STARD13: variants seen among roughly 807,000 people sequenced by gnomAD.
STARD13 encodes the protein StAR related lipid transfer domain containing 13.
A neutral mutation model predicts 106.4 loss-of-function variants in STARD13; 62 were observed. The observed-to-expected ratio is 0.58, with a 90% CI of 0.48 to 0.72. The LOEUF (loss-of-function observed/expected upper bound fraction) is 0.72. STARD13 is among the 30% of genes least tolerant of loss of function. The pLI, the probability that STARD13 is intolerant of heterozygous loss-of-function variation, is 0.00. For missense variants in STARD13, 1,387 were observed against 1,424.0 expected (o/e 0.97, Z 0.42); for synonymous variants, 565 against 553.0 (o/e 1.02, Z -0.31).
At chr13:33,212,732 T>C (rs773618914) in intron 1 of STARD13, among the ~76,000 whole-genome samples, 3 of 152,242 alleles carry the variant, frequency 2.0e-5, no homozygotes, top group Admixed American at 2.0e-4. Flanking sequence ...ATGTTTATAG[T>C]GTGTTTGAAA....
chr13:33,470,347 A>C, the STARD13 span, among the ~76,000 whole-genome samples: 3 of 152,158 alleles, frequency 2.0e-5, no homozygotes, highest in African/African-American at 4.8e-5. Context: ...GGTTGGTTCC[A>C]AGTCTTTGCT....
chr13:33,168,428 G>A (rs1883576987), intron 1 of STARD13, among the ~76,000 whole-genome samples: 1 of 152,134 alleles, frequency 6.6e-6, no homozygotes, highest in African/African-American at 2.4e-5. Context: ...GATAGGAGGA[G>A]TCTACAGTAT....
chr13:33,124,081 G>T (rs1271275819), intron 7 of STARD13, among the ~76,000 whole-genome samples: 1 of 152,134 alleles, frequency 6.6e-6, no homozygotes, highest in African/African-American at 2.4e-5. Flanking sequence ...TTTTCCCCTC[G>T]CTTTTCTGAT....
the STARD13 span, among the ~76,000 whole-genome samples, chr13:33,529,468 C>T: frequency 5.3e-5 from 8 of 152,156 alleles, no homozygotes; most frequent in Admixed American, 1.3e-4. Flanking sequence ...CCCTCAATTC[C>T]TGTCTCATTC....
At chr13:33,637,327 A>AGGAAGAGG in the STARD13 span, among the ~76,000 whole-genome samples, 1 of 152,188 alleles carries the variant, frequency 6.6e-6, no homozygotes, top group Admixed American at 6.5e-5. Flanking sequence ...CTACATTTCC[A>AGGAAGAGG]CCACCACATT....
At chr13:33,523,513 C>T in the STARD13 span, among the ~76,000 whole-genome samples, 64,484 of 151,914 alleles carry the variant, frequency 0.42, 14,071 homozygotes, top group Non-Finnish European at 0.48. Flanking sequence ...CTGTATACAA[C>T]CTTGCAAATT....
At chr13:33,670,637 T>C in the STARD13 span, among the ~76,000 whole-genome samples, 1 of 152,340 alleles carries the variant, frequency 6.6e-6, no homozygotes, top group Middle Eastern at 3.4e-3. Flanking sequence ...CCTTTTGGCG[T>C]TATATTCAGA....
chr13:33,556,247 T>C, the STARD13 span, among the ~76,000 whole-genome samples: 3 of 152,162 alleles, frequency 2.0e-5, no homozygotes, highest in Admixed American at 2.0e-4. Flanking sequence ...ATTCATTTCC[T>C]TCCCGCCTCC....
At chr13:33,389,734 A>G in the STARD13 span, among the ~76,000 whole-genome samples, 2 of 152,198 alleles carry the variant, frequency 1.3e-5, no homozygotes, top group Non-Finnish European at 1.5e-5. Context: ...ATGGTCATAT[A>G]ATCTAATAAT....
At chr13:33,358,424 G>C in the STARD13 span, among the ~76,000 whole-genome samples, 1 of 152,356 alleles carries the variant, frequency 6.6e-6, no homozygotes, top group East Asian at 1.9e-4. Flanking sequence ...GGATCCACTA[G>C]ATGAAGCCAG....
chr13:33,607,904 T>C, the STARD13 span, among the ~76,000 whole-genome samples: 1 of 152,154 alleles, frequency 6.6e-6, no homozygotes, highest in African/African-American at 2.4e-5. Context: ...AAATGTCCAA[T>C]ATCTCTAAAG....
the STARD13 span, among the ~76,000 whole-genome samples, chr13:33,593,926 A>G: frequency 6.6e-6 from 1 of 151,880 alleles, no homozygotes; most frequent in African/African-American, 2.4e-5. Context: ...TCTTTTTTTG[A>G]GACGGAGTCT....
chr13:33,260,459 G>C (rs1014879862), intron 1 of STARD13, among the ~76,000 whole-genome samples: 1 of 152,134 alleles, frequency 6.6e-6, no homozygotes, highest in Admixed American at 6.5e-5. Context: ...TACATTTTAC[G>C]GGGGAGGTCA....
chr13:33,642,567 C>T, the STARD13 span, among the ~76,000 whole-genome samples: 6 of 152,138 alleles, frequency 3.9e-5, no homozygotes, highest in Admixed American at 2.0e-4. Context: ...CCAGGAGCCC[C>T]GTTTACAAGT....
the STARD13 span, among the ~76,000 whole-genome samples, chr13:33,559,131 T>C: frequency 6.6e-6 from 1 of 151,856 alleles, no homozygotes; most frequent in Non-Finnish European, 1.5e-5. Flanking sequence ...GGTTTCTTCC[T>C]TTGCCCTGTC....
At chr13:33,327,666 G>T (rs1482527655) in intron 1 of STARD13, among the ~76,000 whole-genome samples, 1 of 152,086 alleles carries the variant, frequency 6.6e-6, no homozygotes, top group Non-Finnish European at 1.5e-5. Context: ...CCATTGTGCT[G>T]GTCCCTTTGG....
the STARD13 span, among the ~76,000 whole-genome samples, chr13:33,601,403 T>A: frequency 9.9e-5 from 15 of 152,158 alleles, 2 homozygotes; most frequent in East Asian, 2.9e-3. Flanking sequence ...AACCTGATCG[T>A]GTCAAACTGC....
chr13:33,419,172 C>T, the STARD13 span, among the ~76,000 whole-genome samples: 3 of 152,116 alleles, frequency 2.0e-5, no homozygotes, highest in Non-Finnish European at 4.4e-5. Context: ...CTTGTCCAAG[C>T]TAAAGGAACA....
At chr13:33,552,339 C>T in the STARD13 span, among the ~76,000 whole-genome samples, 4 of 152,164 alleles carry the variant, frequency 2.6e-5, no homozygotes, top group East Asian at 7.7e-4. Context: ...ATAGACATTC[C>T]TCACAAGCAC....
Sources: gnomAD v4.1 joint callset for allele counts (sites outside exome capture counted in the v4.1 genomes callset) on GRCh38, gnomAD v4.1.1 for gene constraint, MANE v1.5 for transcripts, NCBI Gene and HGNC (gene_info 2026-07-23, HGNC 2026-07-21) for gene names.